ME3: variants seen among roughly 807,000 people sequenced by gnomAD.
ME3 encodes the protein NADP-dependent malic enzyme, mitochondrial.
ME3 carries 48 observed loss-of-function variants against 68.9 expected under a neutral mutation model. The observed-to-expected ratio is 0.70, with a 90% CI of 0.55 to 0.89. ME3 has a LOEUF of 0.89. ME3 is among the 40% of genes least tolerant of loss of function. The pLI is 0.00. For synonymous variants in ME3, 320 were observed against 318.8 expected, an observed-to-expected ratio of 1.00 and a Z score of -0.04; for missense variants, 675 against 797.4, an observed-to-expected ratio of 0.85 and a Z score of 1.85.
chr11:86,490,353 C>CTGAT (rs1281066246), intron 6 of ME3, among the ~76,000 whole-genome samples: 1 of 152,108 alleles, frequency 6.6e-6, no homozygotes, highest in Non-Finnish European at 1.5e-5. Flanking sequence ...GGATTCTTCA[C>CTGAT]TGATAGGGGT....
chr11:86,473,874 G>A (rs544696680), intron 7 of ME3, among the ~76,000 whole-genome samples: 2 of 152,328 alleles, frequency 1.3e-5, no homozygotes, highest in South Asian at 4.1e-4. Context: ...TCAATCATAG[G>A]AACGACTGTT....
rs558893076 is a variant in ME3 at position 86,447,007 on chromosome 11, C to T, written c.1380+58G>A. The T allele has an allele frequency of 1.1e-5, 18 of 1,581,950 alleles. No homozygotes were observed. The East Asian group carries it at 3.8e-4, about 34-fold the overall frequency. The stretch of plus-strand genomic sequence containing the variant: ...AGTATTTTTCACCCTCATGAGGTTA[C>T]TCATTGTAATTGTTACTATGTCCTC... On this transcript the variant is annotated intron_variant, in intron 12 of 14. Coordinates refer to ENST00000543262, the Ensembl canonical transcript of ME3.
chr11:86,491,999 A>C (rs1415663168), intron 6 of ME3, among the ~76,000 whole-genome samples: 1 of 152,192 alleles, frequency 6.6e-6, no homozygotes, highest in Non-Finnish European at 1.5e-5. Flanking sequence ...AGGGGAAAGG[A>C]CACTGCTGGT....
chr11:86,482,149 ATG>A (rs375667401), intron 7 of ME3, among the ~76,000 whole-genome samples: 19 of 152,300 alleles, frequency 1.2e-4, no homozygotes, highest in African/African-American at 4.3e-4. Context: ...AATACTATCT[ATG>A]GGTTGGCAAC....
chr11:86,654,752 T>C (rs1945735708), intron 2 of ME3, among the ~76,000 whole-genome samples: 1 of 152,178 alleles, frequency 6.6e-6, no homozygotes, highest in African/African-American at 2.4e-5. Flanking sequence ...GCCAGGGCAA[T>C]CAGGCAGGAG....
chr11:86,543,668 A>G (rs148405841), intron 4 of ME3, among the ~76,000 whole-genome samples: 1,738 of 152,344 alleles, frequency 0.011, 10 homozygotes, highest in Middle Eastern at 0.024. Context: ...GTTCTTACAG[A>G]CCTACAAAGA....
chr11:86,531,630 A>G (rs1467357549), intron 4 of ME3, among the ~76,000 whole-genome samples: 1 of 152,202 alleles, frequency 6.6e-6, no homozygotes, highest in Non-Finnish European at 1.5e-5. Context: ...ATGGATTAAG[A>G]AAATGTGGCA....
chr11:86,669,824 A>G (rs72959413), intron 2 of ME3, among the ~76,000 whole-genome samples: 20,583 of 152,194 alleles, frequency 0.14, 1,458 homozygotes, highest in African/African-American at 0.15. Context: ...TTAAAAAAAG[A>G]CTTAAAGATC....
chr11:86,449,823 C>T, intron 10 of ME3, 66 bp downstream of exon 10: 1 of 1,228,240 alleles, frequency 8.1e-7, no homozygotes. Context: ...TTGGAGACCT[C>T]TTCCAGTCCA....
chr11:86,618,101 C>T (rs1943092491), intron 2 of ME3, among the ~76,000 whole-genome samples: 1 of 151,762 alleles, frequency 6.6e-6, no homozygotes, highest in Non-Finnish European at 1.5e-5. Context: ...GAGTTCCAGA[C>T]CAGCCTGGGC....
At chr11:86,612,441 C>T (rs1425461992) in intron 2 of ME3, among the ~76,000 whole-genome samples, 1 of 152,244 alleles carries the variant, frequency 6.6e-6, no homozygotes, top group East Asian at 1.9e-4. Context: ...AATGGGATTG[C>T]TGGGTCAAAT....
chr11:86,631,161 C>T (rs1430530320), intron 2 of ME3, among the ~76,000 whole-genome samples: 2 of 152,204 alleles, frequency 1.3e-5, no homozygotes, highest in Admixed American at 1.3e-4. Flanking sequence ...TCCCTCTTAA[C>T]AAGCAGTTAC....
At chr11:86,652,914 T>C (rs546957255) in intron 2 of ME3, among the ~76,000 whole-genome samples, 11 of 114,820 alleles carry the variant, frequency 9.6e-5, no homozygotes, top group African/African-American at 1.5e-4. Context: ...ACCAGGCAAA[T>C]GGAAAAAAAA....
intron 4 of ME3, among the ~76,000 whole-genome samples, chr11:86,514,039 G>C (rs1237814266): frequency 6.6e-6 from 1 of 152,146 alleles, no homozygotes; most frequent in Non-Finnish European, 1.5e-5. Context: ...GAGGTGAATG[G>C]ATCATGGGGG....
At chr11:86,613,343 A>T (rs1458272999) in intron 2 of ME3, among the ~76,000 whole-genome samples, 1 of 152,198 alleles carries the variant, frequency 6.6e-6, no homozygotes. Context: ...GCTATTTATG[A>T]CAAACCCACA....
intron 2 of ME3, among the ~76,000 whole-genome samples, chr11:86,580,033 T>C (rs1030568446): frequency 6.6e-6 from 1 of 151,828 alleles, no homozygotes; most frequent in Non-Finnish European, 1.5e-5. Flanking sequence ...TGAGATAGAA[T>C]CTAATTCTTG....
intron 13 of ME3, among the ~76,000 whole-genome samples, chr11:86,445,026 G>T (rs1225641568): frequency 6.6e-6 from 1 of 152,120 alleles, no homozygotes; most frequent in African/African-American, 2.4e-5. Context: ...ATGTGTGGAT[G>T]TCCCATGGTA....
intron 2 of ME3, among the ~76,000 whole-genome samples, chr11:86,659,199 C>A (rs1216831253): frequency 6.6e-6 from 1 of 152,200 alleles, no homozygotes; most frequent in Non-Finnish European, 1.5e-5. Context: ...TCAACAGATG[C>A]TTAGGTTTGC....
At chr11:86,632,411 C>T (rs1188595129) in intron 2 of ME3, among the ~76,000 whole-genome samples, 1 of 152,172 alleles carries the variant, frequency 6.6e-6, no homozygotes, top group African/African-American at 2.4e-5. Context: ...CTTCCCTGTG[C>T]CTGCTTCTGC....
Sources: allele counts gnomAD v4.1 joint callset (sites outside exome capture counted in the v4.1 genomes callset), GRCh38; gene constraint gnomAD v4.1.1; transcripts MANE v1.5; gene names NCBI Gene and HGNC (gene_info 2026-07-23, HGNC 2026-07-21).